HDAC7: variants seen among roughly 807,000 people sequenced by gnomAD.
The protein encoded by HDAC7 is histone deacetylase 7, also known as histone deacetylase 7A.
In HDAC7, 26 loss-of-function variants were observed where a neutral mutation model predicts 115.5. That is an observed-to-expected ratio of 0.23 (90% CI 0.16 to 0.31). The LOEUF (loss-of-function observed/expected upper bound fraction) is 0.31, where lower values mean the gene tolerates loss of function less well. Among genes scored for constraint, HDAC7 ranks in the 10% least tolerant of loss-of-function variants. The pLI is 1.00. For synonymous variants in HDAC7, 564 were observed against 550.9 expected, an observed-to-expected ratio of 1.02 and a Z score of -0.33; for missense variants, 1,068 against 1,329.0, an observed-to-expected ratio of 0.80 and a Z score of 3.05.
chr12:47,805,073 ATTTT>A (rs561801413), intron 1 of HDAC7, among the ~76,000 whole-genome samples: 1 of 142,964 alleles, frequency 7.0e-6, no homozygotes. Context: ...TCTTTTCTTA[ATTTT>A]TTTTTTTTTT....
chr12:47,789,698 C>T, intron 17 of HDAC7, 115 bp downstream of exon 17: 2 of 1,399,788 alleles, frequency 1.4e-6, no homozygotes, highest in Admixed American at 3.4e-5. Flanking sequence ...CCCTCCAAAA[C>T]CCTGTAGCAA....
chr12:47,789,250 C>T lies in HDAC7; in HGVS notation c.2235+11G>A, dbSNP rs1943347030. ...CTCTCGAATTGGAGGGTGCTACGGA[C>T]AGGCACCTACCCAGTCTACAATGAG... On this transcript the variant is annotated intron_variant, in intron 19 of 25. Coordinates refer to ENST00000080059, the MANE Select transcript of HDAC7 (RefSeq NM_015401.5). 5.0e-6 allele frequency: 8 copies of T among 1,608,644 alleles called. No homozygotes were observed. The highest frequency in any genetic ancestry group is 6.8e-6 in the Non-Finnish European group (8 of 1,175,238).
At chr12:47,816,791 G>T (rs899960841) in intron 1 of HDAC7, among the ~76,000 whole-genome samples, 3 of 152,190 alleles carry the variant, frequency 2.0e-5, no homozygotes, top group Non-Finnish European at 4.4e-5. Flanking sequence ...GATGGGTTGG[G>T]AGGAAACAAG....
At chr12:47,792,496 T>C (rs891943787) in intron 13 of HDAC7, 1 of 374,664 alleles carries the variant, frequency 2.7e-6, no homozygotes, top group African/African-American at 2.1e-5. Flanking sequence ...GACCATGTGA[T>C]AGACAAATCC....
At position 47,798,615 on chromosome 12, in the gene HDAC7, C is replaced by T. The variant is rs1944001472; in HGVS notation, c.296G>A (p.Gly99Glu). 1 of 1,613,870 alleles carries T rather than the reference C, an allele frequency of 6.2e-7. No homozygotes were observed. Among genetic ancestry groups the T allele is most frequent in the Non-Finnish European group, 8.5e-7 (1 of 1,179,928 alleles). ...MDTPMPELQV[G>E]PQEQELRQLL... ...CTGCCGCAGCTCTTGTTCCTGGGGT[C>T]CCACCTGCAACTCGGGCATCGGCGT... The change falls in exon 4 of 26, where the codon GGA becomes GAA. Residue 99 changes from glycine to glutamate, a missense_variant. Around this residue, in one of 6 missense-constraint regions of HDAC7, gnomAD observed 161 missense variants for 158.5 expected, o/e 1.02. Transcript: ENST00000080059. This position sits in a 1 kb window ranked among gnomAD's most constrained non-coding sequence, Gnocchi z 4.3.
At chr12:47,792,026 C>A (rs748232722) in intron 13 of HDAC7, 22 bp from the exon 14 acceptor site, 1 of 1,587,810 alleles carries the variant, frequency 6.3e-7, no homozygotes, top group Non-Finnish European at 8.6e-7. Flanking sequence ...AGGGTCAGAG[C>A]GGGGACCCAG....
At chr12:47,815,607 T>C (rs1180532894) in intron 1 of HDAC7, among the ~76,000 whole-genome samples, 1 of 152,152 alleles carries the variant, frequency 6.6e-6, no homozygotes, top group African/African-American at 2.4e-5. Context: ...GGAATGGGCC[T>C]GATGATCTGA....
intron 1 of HDAC7, among the ~76,000 whole-genome samples, chr12:47,815,240 G>A (rs1187672547): frequency 6.6e-6 from 1 of 152,172 alleles, no homozygotes; most frequent in Non-Finnish European, 1.5e-5. Context: ...AAACAAGAAA[G>A]CCAGGACCCC....
intron 16 of HDAC7, 23 bp downstream of exon 16, chr12:47,791,236 C>T: frequency 6.3e-7 from 1 of 1,585,464 alleles, no homozygotes; most frequent in East Asian, 2.3e-5. Context: ...CAACGCCCCC[C>T]TGAGACCCCT....
At chr12:47,790,064 C>T in intron 16 of HDAC7, 144 bp from the exon 17 acceptor site, 1 of 636,530 alleles carries the variant, frequency 1.6e-6, no homozygotes, top group Non-Finnish European at 2.8e-6. Context: ...CCCCACCGCC[C>T]AAAGGCAAGG....
upstream of HDAC7, among the ~76,000 whole-genome samples, chr12:47,820,279 A>G (rs536717393): frequency 3.9e-5 from 6 of 152,306 alleles, no homozygotes; most frequent in South Asian, 1.2e-3. The surrounding 1 kb of genome is among the most constrained non-coding windows in gnomAD (Gnocchi z 4.3). Context: ...GCACGCATCC[A>G]TGTTTACAAG....
chr12:47,813,164 C>T (rs2137064147), intron 1 of HDAC7: 1 of 152,406 alleles, frequency 6.6e-6, no homozygotes, highest in Admixed American at 6.5e-5. Context: ...AACCCTCCAG[C>T]TCCCCCTTGC....
chr12:47,791,835 C>A, intron 14 of HDAC7, 36 bp downstream of exon 14: 1 of 1,591,220 alleles, frequency 6.3e-7, no homozygotes. Context: ...ACTCCTCCCT[C>A]CACCCATTCC....
intron 1 of HDAC7, among the ~76,000 whole-genome samples, chr12:47,804,634 C>G (rs1397323259): frequency 6.6e-6 from 1 of 152,064 alleles, no homozygotes; most frequent in East Asian, 1.9e-4. Flanking sequence ...CCTGGCTACT[C>G]CCCTTTTCTA....
intron 13 of HDAC7, chr12:47,792,534 T>C: frequency 4.8e-6 from 2 of 417,360 alleles, no homozygotes; most frequent in Non-Finnish European, 9.8e-6. Context: ...TATTTCAGTC[T>C]GACCCGTGGG....
rs1240811786 is a variant in HDAC7, at chr12:47,795,938, C to T, written c.874G>A (p.Ala292Thr). Reference sequence around the variant, plus strand: ...GGGGCGGGCAGCCCCAGAGTGATTGCGGGCAGCAAGGACACTGTCGGCAAG... The same window carrying T: ...GGGGCGGGCAGCCCCAGAGTGATTGTGGGCAGCAAGGACACTGTCGGCAAG... ...FALPTVSLLP[A>T]ITLGLPAPAR... The change falls in exon 9 of 26, where the codon GCA becomes ACA. Residue 292 changes from alanine to threonine, a missense_variant. Around this residue, in one of 6 missense-constraint regions of HDAC7, gnomAD observed 618 missense variants for 701.5 expected, o/e 0.88. Transcript: ENST00000080059. The surrounding 1 kb of genome is among the most constrained non-coding windows in gnomAD (Gnocchi z 4.3). The T allele has an allele frequency of 9.7e-6, 15 of 1,550,946 alleles. No homozygotes were observed. The highest frequency in any genetic ancestry group is 1.7e-4 in the Middle Eastern group (1 of 5,994).
At chr12:47,791,398 G>A (rs771552770) in intron 15 of HDAC7, 90 bp from the exon 16 acceptor site, 97 of 1,408,936 alleles carry the variant, frequency 6.9e-5, no homozygotes, top group Non-Finnish European at 8.5e-5. Context: ...AGGGCCGGGT[G>A]AGTATTGGGG....
In HDAC7 at chr12:47,796,191, C is replaced by A. The variant is rs768851658; in HGVS notation, c.795+16G>T. ...CAGAACTGCCCCAGGAGAGCCCAGT[C>A]TCGGCAAGGCCTTACCTCCGAGCCC... On this transcript the variant is annotated intron_variant, in intron 8 of 25. Transcript: ENST00000080059. The A allele has an allele frequency of 2.8e-5, 44 of 1,598,290 alleles. 1 individual carries two copies. Among genetic ancestry groups the A allele is most frequent in the Non-Finnish European group, 3.6e-5 (42 of 1,173,694 alleles).
intron 16 of HDAC7, chr12:47,790,141 T>G (rs1312539112): frequency 1.3e-5 from 7 of 553,092 alleles, no homozygotes; most frequent in East Asian, 1.2e-4. Flanking sequence ...GCCCATTATC[T>G]GGCCAGCACT....
Sources: allele counts gnomAD v4.1 joint callset (sites outside exome capture counted in the v4.1 genomes callset), GRCh38; gene constraint gnomAD v4.1.1; regional missense constraint gnomAD v4.1.1; non-coding constraint Gnocchi (gnomAD v3.1); transcripts MANE v1.5; gene names NCBI Gene and HGNC (gene_info 2026-07-23, HGNC 2026-07-21).